The following FSTL5 variants were observed in gnomAD, a reference collection of about 807,000 sequenced individuals.
FSTL5 encodes the protein follistatin-related protein 5.
FSTL5 carries 62 observed loss-of-function variants against 89.1 expected under a neutral mutation model. That is an observed-to-expected ratio of 0.70 (90% CI 0.57 to 0.86). The LOEUF is 0.86. FSTL5 is among the 40% of genes least tolerant of loss of function. The pLI, the probability that FSTL5 is intolerant of heterozygous loss-of-function variation, is 0.00. For synonymous variants in FSTL5, 383 were observed against 346.2 expected (o/e 1.11, Z -1.18); for missense variants, 1,057 against 1,001.6 (o/e 1.06, Z -0.75).
intron 6 of FSTL5, among the ~76,000 whole-genome samples, chr4:161,750,985 AAT>A (rs1358334189): frequency 6.6e-6 from 1 of 152,202 alleles, no homozygotes; most frequent in Non-Finnish European, 1.5e-5. Flanking sequence ...TTAAAAAATA[AAT>A]ATGATAAATG....
At chr4:162,097,147 T>A (rs545991005) in intron 2 of FSTL5, among the ~76,000 whole-genome samples, 1 of 151,992 alleles carries the variant, frequency 6.6e-6, no homozygotes, top group South Asian at 2.1e-4. Flanking sequence ...TATTTAATCT[T>A]CTCAGAGAAA....
At chr4:162,128,010 TTAA>T (rs1415923198) in intron 1 of FSTL5, among the ~76,000 whole-genome samples, 1 of 152,134 alleles carries the variant, frequency 6.6e-6, no homozygotes, top group Non-Finnish European at 1.5e-5. Flanking sequence ...GTCCAAATAG[TTAA>T]TATGCTAAAG....
chr4:161,896,501 G>A (rs1733162429), intron 4 of FSTL5, among the ~76,000 whole-genome samples: 1 of 152,058 alleles, frequency 6.6e-6, no homozygotes, highest in African/African-American at 2.4e-5. Context: ...TAGTATTAAA[G>A]TAGCTTAATG....
At chr4:162,018,799 T>C (rs898222533) in intron 3 of FSTL5, among the ~76,000 whole-genome samples, 1 of 152,142 alleles carries the variant, frequency 6.6e-6, no homozygotes, top group Non-Finnish European at 1.5e-5. Context: ...TTAAAGGAGT[T>C]ACATATTTTT....
chr4:161,625,269 G>T (rs1735276332), intron 7 of FSTL5, among the ~76,000 whole-genome samples: 1 of 151,928 alleles, frequency 6.6e-6, no homozygotes, highest in African/African-American at 2.4e-5. Flanking sequence ...AAAAGGTTCT[G>T]GTAACTCAGC....
At chr4:161,434,055 T>G (rs568633174) in intron 15 of FSTL5, among the ~76,000 whole-genome samples, 1 of 152,122 alleles carries the variant, frequency 6.6e-6, no homozygotes, top group East Asian at 1.9e-4. Flanking sequence ...AAAGAAACCC[T>G]AAAATGTATA....
chr4:161,925,667 T>C (rs1734101432), intron 3 of FSTL5, among the ~76,000 whole-genome samples: 3 of 151,820 alleles, frequency 2.0e-5, no homozygotes, highest in African/African-American at 4.8e-5. Context: ...TGGCATAGAG[T>C]ATCTGCTTAA....
intron 2 of FSTL5, among the ~76,000 whole-genome samples, chr4:162,040,572 G>GA (rs1191224663): frequency 6.6e-6 from 1 of 151,848 alleles, no homozygotes; most frequent in Non-Finnish European, 1.5e-5. Flanking sequence ...AAAAATGCCT[G>GA]AAAAATAGAG....
intron 15 of FSTL5, among the ~76,000 whole-genome samples, chr4:161,408,174 T>A (rs1304101714): frequency 6.6e-6 from 1 of 152,026 alleles, no homozygotes; most frequent in African/African-American, 2.4e-5. Flanking sequence ...GAGGGTCACC[T>A]CTCTTCTCCT....
rs1270518941 is a variant in FSTL5, at chr4:161,759,457, A to T, written c.681T>A (p.Phe227Leu). Residue 227 changes from phenylalanine (F) to leucine (L), a missense_variant, in exon 6 of 16, where the codon TTT (phenylalanine) becomes TTA (leucine). By Grantham distance (22) the Phe-to-Leu change is conservative (BLOSUM62 0). Transcript: ENST00000306100. Reference protein sequence around the residue: ...TLYVLLKYDDFNADKHLALEE... With the variant: ...TLYVLLKYDDLNADKHLALEE... Reference sequence around the variant, plus strand: ...CAAGAGCCAGGTGCTTGTCAGCATTAAAATCATCATATTTCAATAGAACAT... The same window carrying T: ...CAAGAGCCAGGTGCTTGTCAGCATTTAAATCATCATATTTCAATAGAACAT... 6.3e-7 allele frequency: 1 copy of T among 1,597,398 alleles called. No homozygotes were observed. Among genetic ancestry groups the T allele is most frequent in the Non-Finnish European group, 8.5e-7 (1 of 1,171,738 alleles).
chr4:161,615,657 G>A (rs1306594129), intron 7 of FSTL5, among the ~76,000 whole-genome samples: 1 of 151,702 alleles, frequency 6.6e-6, no homozygotes, highest in East Asian at 1.9e-4. Flanking sequence ...CTTTAAACAC[G>A]AAAAAGATTT....
intron 3 of FSTL5, among the ~76,000 whole-genome samples, chr4:161,962,570 T>C (rs1735213872): frequency 6.6e-6 from 1 of 151,930 alleles, no homozygotes. Context: ...GGAGTATTAA[T>C]GAGCCCGCAT....
At chr4:162,084,052 ATAAC>A (rs1422596899) in intron 2 of FSTL5, among the ~76,000 whole-genome samples, 2 of 151,994 alleles carry the variant, frequency 1.3e-5, no homozygotes, top group African/African-American at 4.8e-5. Flanking sequence ...TTTAGAGAAT[ATAAC>A]TAACAGGGAT....
At chr4:162,104,637 A>G (rs1237335447) in intron 2 of FSTL5, among the ~76,000 whole-genome samples, 1 of 152,186 alleles carries the variant, frequency 6.6e-6, no homozygotes, top group Non-Finnish European at 1.5e-5. Context: ...TGGGCTTAAC[A>G]AAACTAGCCC....
chr4:161,980,063 GAGAA>G (rs1330493339), intron 3 of FSTL5, among the ~76,000 whole-genome samples: 11 of 138,194 alleles, frequency 8.0e-5, no homozygotes, highest in African/African-American at 2.8e-4. Context: ...AAGAGAAAAA[GAGAA>G]AGAGAGAAAG....
Position 161,932,485 on chromosome 4 carries a change from A to T in FSTL5, c.161-11833T>A, listed in dbSNP as rs528438722. On this transcript the variant is annotated intron_variant, in intron 3 of 15. Transcript: ENST00000306100. ...TGGTCTTAAAACTAATTATCCTGAC[A>T]ATAACAATGGCTATCCTATAAGAAT... 2.0e-3 allele frequency among the ~76,000 whole-genome samples: 311 copies of T among 151,880 alleles called. 1 individual carries two copies. The highest frequency in any genetic ancestry group is 7.1e-3 in the African/African-American group (294 of 41,512).
At chr4:161,505,240 T>C (rs1030748593) in intron 11 of FSTL5, among the ~76,000 whole-genome samples, 12 of 152,266 alleles carry the variant, frequency 7.9e-5, no homozygotes, top group African/African-American at 2.9e-4. Context: ...CACGGATAGA[T>C]CTTTGGTTCA....
At chr4:161,952,812 C>G (rs1373460657) in intron 3 of FSTL5, among the ~76,000 whole-genome samples, 1 of 151,736 alleles carries the variant, frequency 6.6e-6, no homozygotes, top group African/African-American at 2.4e-5. Context: ...TTAATTGCTT[C>G]TGAAATTATC....
intron 3 of FSTL5, among the ~76,000 whole-genome samples, chr4:161,938,767 T>A (rs1023061449): frequency 6.6e-6 from 1 of 152,036 alleles, no homozygotes; most frequent in Admixed American, 6.6e-5. Flanking sequence ...GGTTATAAGA[T>A]CCTTTTAATA....
Sources: allele counts gnomAD v4.1 joint callset (sites outside exome capture counted in the v4.1 genomes callset), GRCh38; gene constraint gnomAD v4.1.1; transcripts MANE v1.5; gene names NCBI Gene and HGNC (gene_info 2026-07-23, HGNC 2026-07-21).